MORN1: variants seen among roughly 807,000 people sequenced by gnomAD.
The protein encoded by MORN1 is MORN repeat-containing protein 1.
A neutral mutation model predicts 61.9 loss-of-function variants in MORN1; 67 were observed. The observed-to-expected ratio is 1.08, with a 90% CI of 0.89 to 1.33. The LOEUF (loss-of-function observed/expected upper bound fraction) is 1.33, where lower values mean the gene tolerates loss of function less well. MORN1 is among the 40% of genes most tolerant of loss of function. The probability of loss-of-function intolerance (pLI) is 0.00; values close to 1 mark genes in which losing one functional copy is unlikely to be tolerated. For synonymous variants in MORN1, 301 were observed against 292.0 expected, an observed-to-expected ratio of 1.03 and a Z score of -0.31; for missense variants, 752 against 691.2, an observed-to-expected ratio of 1.09 and a Z score of -0.99.
At chr1:2,335,732 C>A (rs546291824) in intron 12 of MORN1, among the ~76,000 whole-genome samples, 1 of 152,018 alleles carries the variant, frequency 6.6e-6, no homozygotes, top group Non-Finnish European at 1.5e-5. Flanking sequence ...GGTCACTCTG[C>A]GAGCAACCCA....
At chr1:2,351,989 A>G (rs1489413087) in intron 10 of MORN1, 2 of 517,020 alleles carry the variant, frequency 3.9e-6, no homozygotes, top group South Asian at 3.6e-5. Context: ...TGCCCCCTCC[A>G]GGAATGAGAC....
chr1:2,335,340 G>A (rs956794081), intron 12 of MORN1, among the ~76,000 whole-genome samples: 1 of 152,170 alleles, frequency 6.6e-6, no homozygotes, highest in Non-Finnish European at 1.5e-5. Context: ...AGCAGGAGGC[G>A]GCCCCGGCAC....
chr1:2,381,399 G>A (rs1039640371), intron 6 of MORN1, among the ~76,000 whole-genome samples: 4 of 152,230 alleles, frequency 2.6e-5, no homozygotes, highest in African/African-American at 7.2e-5. Context: ...CAGCGTGGAC[G>A]AGGCCAGGGG....
chr1:2,385,420 C>T, intron 5 of MORN1: 1 of 415,728 alleles, frequency 2.4e-6, no homozygotes, highest in Non-Finnish European at 4.4e-6. Flanking sequence ...GCTGAAGATG[C>T]CTAGCACTTG....
chr1:2,342,264 T>TA (rs1246072829), intron 10 of MORN1, among the ~76,000 whole-genome samples: 1 of 152,208 alleles, frequency 6.6e-6, no homozygotes, highest in Non-Finnish European at 1.5e-5. Context: ...GTCACCTGTG[T>TA]AGGGCACCAG....
intron 8 of MORN1, among the ~76,000 whole-genome samples, chr1:2,367,306 C>CAAAAAAAAAAA (rs56188781): frequency 1.5e-5 from 2 of 132,812 alleles, no homozygotes; most frequent in Non-Finnish European, 3.2e-5. Flanking sequence ...ATTGCTCTAT[C>CAAAAAAAAAAA]AAAAAAAAAA....
chr1:2,367,781 C>T (rs1642028806), intron 8 of MORN1, among the ~76,000 whole-genome samples: 1 of 152,132 alleles, frequency 6.6e-6, no homozygotes, highest in Non-Finnish European at 1.5e-5. Flanking sequence ...GCACCCGCCA[C>T]TATGCCCAGC....
Position 2,322,726 on chromosome 1 carries a change from C to T in MORN1, c.1298-1147G>A, listed in dbSNP as rs961446714. The T allele has an allele frequency of 7.1e-5, 70 of 985,342 alleles. No individual in the cohort carries two copies. The Middle Eastern group carries it at 1.5e-3, about 22-fold the overall frequency. 61.0% of individuals were successfully genotyped at this position (985,342 alleles called of 1,614,324 possible). ...CCAAGCAGCCCGGTTTCTAGGTGTT[C>T]CCAGGAATCCAGCTATACCAGTGGT... On this transcript the variant is annotated intron_variant, in intron 13 of 13. Transcript: ENST00000378531.
chr1:2,372,641 C>G lies in MORN1; in HGVS notation c.635-50G>C. 1 of 1,462,448 alleles carries G rather than the reference C, an allele frequency of 6.8e-7. No homozygotes were observed. Among genetic ancestry groups the G allele is most frequent in the Non-Finnish European group, 9.4e-7 (1 of 1,058,688 alleles). The allele number at this position is 1,462,448 out of a possible 1,614,324, so 90.6% of individuals were successfully genotyped here. On this transcript the variant is annotated intron_variant, in intron 7 of 13. Coordinates refer to ENST00000378531, the MANE Select transcript of MORN1 (RefSeq NM_024848.3). This position sits in a 1 kb window ranked among gnomAD's most constrained non-coding sequence, Gnocchi z 5.4. ...TAGCGGTGACTGGCATGGTCCCCCA[C>G]CCACCCCATGGCTGAGTCAGCAGTG...
chr1:2,389,819 C>T (rs576717253), intron 2 of MORN1, 106 bp downstream of exon 2: 10 of 991,556 alleles, frequency 1.0e-5, no homozygotes, highest in South Asian at 6.7e-5. Flanking sequence ...ACAATGGGCT[C>T]GAAAGCTACA....
chr1:2,348,614 G>GGCAGGCACGCACGCACACACGCACCTGC (rs1465643391), intron 10 of MORN1, among the ~76,000 whole-genome samples: 5 of 142,720 alleles, frequency 3.5e-5, no homozygotes, highest in Admixed American at 6.9e-5. Context: ...CGTGCACCTA[G>GGCAGGCACGCACGCACACACGCACCTGC]GCAGGCACGC....
chr1:2,343,649 G>C (rs1462132644), intron 10 of MORN1, among the ~76,000 whole-genome samples: 1 of 152,188 alleles, frequency 6.6e-6, no homozygotes, highest in Non-Finnish European at 1.5e-5. Flanking sequence ...GACAGGCCAG[G>C]AGCCACCCTG....
At chr1:2,389,169 G>C (rs1410189339) in intron 2 of MORN1, among the ~76,000 whole-genome samples, 1 of 151,924 alleles carries the variant, frequency 6.6e-6, no homozygotes, top group Non-Finnish European at 1.5e-5. Context: ...ATACAAAACT[G>C]CGTGAGAGGA....
intron 10 of MORN1, among the ~76,000 whole-genome samples, chr1:2,343,948 G>C (rs542178308): frequency 6.6e-6 from 1 of 151,940 alleles, no homozygotes; most frequent in Non-Finnish European, 1.5e-5. Context: ...GCCAGCTGTG[G>C]GGGTGACTGA....
In MORN1 at chr1:2,335,828, T is replaced by TAGCCCAGCCC. The variant is rs58763089; in HGVS notation, c.1250+631_1250+640dup. ...ATCAGCGGGGGCCTCCTCGCCTCCA[T>TAGCCCAGCCC]AGCCCAGCCCAGCCCAGCGCGCAGC... On this transcript the variant is annotated intron_variant, in intron 12 of 13. Transcript: ENST00000378531. Among the ~76,000 whole-genome samples, 609 of 143,102 alleles carry TAGCCCAGCCC rather than the reference T, an allele frequency of 4.3e-3. 44 individuals are homozygous for TAGCCCAGCCC. The highest frequency in any genetic ancestry group is 0.017 in the African/African-American group (549 of 32,918). 93.9% of individuals were successfully genotyped at this position (143,102 alleles called of 152,430 possible).
intron 8 of MORN1, among the ~76,000 whole-genome samples, chr1:2,359,242 CG>C (rs1641842525): frequency 6.6e-6 from 1 of 152,086 alleles, no homozygotes; most frequent in South Asian, 2.1e-4. Flanking sequence ...CACCTTGACC[CG>C]GGGGGATGGG....
chr1:2,353,270 C>T (rs531523669), intron 10 of MORN1, among the ~76,000 whole-genome samples: 32 of 152,378 alleles, frequency 2.1e-4, no homozygotes, highest in Non-Finnish European at 4.0e-4. Flanking sequence ...TCCCTGGACA[C>T]GCTGGACAGC....
chr1:2,379,097 C>G, intron 6 of MORN1: 1 of 471,130 alleles, frequency 2.1e-6, no homozygotes, highest in Non-Finnish European at 4.4e-6. Flanking sequence ...ACACGGTTTG[C>G]AGAAAACACA....
At chr1:2,325,643 T>G (rs1641011504) in intron 12 of MORN1, among the ~76,000 whole-genome samples, 1 of 14,590 alleles carries the variant, frequency 6.9e-5, no homozygotes, top group Non-Finnish European at 1.1e-4. Flanking sequence ...CCTTTGTTGA[T>G]TTTTTTTTTT....
Sources: gnomAD v4.1 joint callset for allele counts (sites outside exome capture counted in the v4.1 genomes callset) on GRCh38, gnomAD v4.1.1 for gene constraint, Gnocchi (gnomAD v3.1) non-coding constraint, MANE v1.5 for transcripts, NCBI Gene and HGNC (gene_info 2026-07-23, HGNC 2026-07-21) for gene names.